Variants in UTP11 observed in about 807,000 individuals in gnomAD.
UTP11 encodes UTP11 small subunit processome component, also known as probable U3 small nucleolar RNA-associated protein 11.
In UTP11, 29 loss-of-function variants were observed where a neutral mutation model predicts 39.0. The observed-to-expected ratio is 0.74, with a 90% CI of 0.55 to 1.01. The LOEUF (loss-of-function observed/expected upper bound fraction) is 1.01. UTP11 is among the 50% of genes least tolerant of loss of function. The pLI, the probability that UTP11 is intolerant of heterozygous loss-of-function variation, is 0.00. For synonymous variants in UTP11, 111 were observed against 105.0 expected, an observed-to-expected ratio of 1.06 and a Z score of -0.35; for missense variants, 281 against 306.0, an observed-to-expected ratio of 0.92 and a Z score of 0.61.
In UTP11 at chr1:38,017,707, G is replaced by A; in HGVS notation, c.165G>A (p.Arg55=). The A allele has an allele frequency of 1.9e-6, 3 of 1,610,630 alleles. No individual in the cohort carries two copies. Among genetic ancestry groups the A allele is most frequent in the East Asian group, 4.5e-5 (2 of 44,514 alleles). Residue 55 remains arginine (R), a synonymous_variant, in exon 3 of 8, where the codon CGG becomes CGA. Coordinates refer to ENST00000373014, the MANE Select transcript of UTP11 (RefSeq NM_016037.4). ...RKKQEYLKAL[R]KKALEKNPDE... ...AACAAGAATACCTCAAAGCTCTTCG[G>A]AAGAAGGCTCTTGAAAAAAATCCAG... is the stretch of plus-strand genomic sequence containing the variant.
In UTP11 at chr1:38,019,377, A is replaced by G. The variant is rs779566305; in HGVS notation, c.561A>G (p.Gly187=). 1.7e-5 allele frequency: 28 copies of G among 1,611,850 alleles called. No individual in the cohort carries two copies. The highest frequency in any genetic ancestry group is 2.4e-5 in the Non-Finnish European group (28 of 1,178,830). The change falls in exon 6 of 8, where the codon GGA becomes GGG. Residue 187 remains glycine, a synonymous_variant. Coordinates refer to ENST00000373014, the MANE Select transcript of UTP11 (RefSeq NM_016037.4). ...EKVKGVTNQT[G]LKRIAKERQK... is the part of the protein sequence containing the mutation. ...TGAAAGGAGTTACCAATCAGACTGG[A>G]CTTAAGGTAATTTTCTCTGTTGTTC... is the stretch of plus-strand genomic sequence containing the variant.
At chr1:38,021,174 G>C (rs1321447656) in intron 6 of UTP11, among the ~76,000 whole-genome samples, 2 of 152,122 alleles carry the variant, frequency 1.3e-5, no homozygotes, top group South Asian at 2.1e-4. Context: ...ACCCACCTCA[G>C]CCTCCCAAAG....
intron 6 of UTP11, 91 bp downstream of exon 6, chr1:38,019,474 A>C: frequency 1.8e-6 from 2 of 1,134,668 alleles, no homozygotes; most frequent in African/African-American, 1.7e-5. Flanking sequence ...CATTTAAAAT[A>C]ATTTTTAAAA....
intron 2 of UTP11, 28 bp from the exon 3 acceptor site, chr1:38,017,639 CT>C: frequency 3.4e-6 from 3 of 894,708 alleles, no homozygotes; most frequent in Non-Finnish European, 4.3e-6. Flanking sequence ...TTTTTTTTTG[CT>C]ATGAACCTCA....
chr1:38,017,270 C>T (rs1270987420), intron 2 of UTP11: 1 of 154,812 alleles, frequency 6.5e-6, no homozygotes, highest in East Asian at 1.9e-4. Context: ...GTCCATGATT[C>T]TAGTCATTGC....
intron 2 of UTP11, 61 bp from the exon 3 acceptor site, chr1:38,017,607 G>GT: frequency 7.3e-7 from 1 of 1,370,950 alleles, no homozygotes; most frequent in Non-Finnish European, 9.8e-7. Context: ...TGGGTTTTTG[G>GT]TTTTTTAAAA....
rs367945919 is a variant in UTP11 at position 38,019,061 on chromosome 1, A to T, written c.345A>T (p.Lys115Asn). 1.1e-5 allele frequency: 17 copies of T among 1,613,318 alleles called. No homozygotes were observed. The highest frequency in any genetic ancestry group is 3.3e-5 in the Admixed American group (2 of 59,856). The stretch of plus-strand genomic sequence containing the variant: ...TGAGACCATATTCTGTGTTCTAGAA[A>T]ATCGAAAGACTAAAATCAGAGCTCC... ...IEMKRVAEAK[K>N]IERLKSELHL... Residue 115 changes from lysine (K) to asparagine (N), a missense_variant and splice_region_variant, in exon 5 of 8, where the codon AAA (lysine) becomes AAT (asparagine). Coordinates refer to ENST00000373014, the MANE Select transcript of UTP11 (RefSeq NM_016037.4).
At chr1:38,018,040 G>C (rs1338316960) in intron 3 of UTP11, among the ~76,000 whole-genome samples, 2 of 152,072 alleles carry the variant, frequency 1.3e-5, no homozygotes, top group Non-Finnish European at 2.9e-5. Context: ...CCTGTGTCTA[G>C]GATTGCTGTT....
chr1:38,015,601 C>G (rs1646703493), intron 1 of UTP11, among the ~76,000 whole-genome samples: 1 of 152,076 alleles, frequency 6.6e-6, no homozygotes, highest in Non-Finnish European at 1.5e-5. Context: ...ATTGCAAGAC[C>G]CTGACATATA....
At position 38,022,826 on chromosome 1, in the gene UTP11, T is replaced by G; in HGVS notation, c.678+17T>G. On this transcript the variant is annotated intron_variant, in intron 7 of 7. Coordinates refer to ENST00000373014, the MANE Select transcript of UTP11 (RefSeq NM_016037.4). ...GATCTTATGGTGAGGAGAGAGAGCC[T>G]TAGGCCTCTTTTTTTTTTTTTCCCC... 1.3e-6 allele frequency: 2 copies of G among 1,533,682 alleles called. No individual in the cohort carries two copies. The highest frequency in any genetic ancestry group is 1.8e-6 in the Non-Finnish European group (2 of 1,130,324).
rs1646751456 is a variant in UTP11, at chr1:38,023,881, A to G, written c.*253A>G. Reference sequence around the variant, plus strand: ...TCTTTGAGATAGGGTCTTTGTTGCCAGGCTGGAAGTGCAGTGTGTGATTAT... The same window carrying G: ...TCTTTGAGATAGGGTCTTTGTTGCCGGGCTGGAAGTGCAGTGTGTGATTAT... On this transcript the variant is annotated 3_prime_UTR_variant, in exon 8 of 8. Transcript: ENST00000373014. 1 of 279,216 alleles carries G rather than the reference A, an allele frequency of 3.6e-6. No homozygotes were observed. The allele number at this position is 279,216 out of a possible 1,614,324, so 17.3% of individuals were successfully genotyped here.
chr1:38,014,172 T>C (rs1256569144), intron 1 of UTP11, among the ~76,000 whole-genome samples: 3 of 152,234 alleles, frequency 2.0e-5, no homozygotes, highest in African/African-American at 4.8e-5. Context: ...GATTGAATAG[T>C]ATATCCAAAG....
chr1:38,022,675 A>C, intron 6 of UTP11, 24 bp from the exon 7 acceptor site: 1 of 1,533,292 alleles, frequency 6.5e-7, no homozygotes, highest in Non-Finnish European at 9.0e-7. Context: ...TTGTTCACTG[A>C]GAATGTGTGT....
intron 4 of UTP11, 68 bp from the exon 5 acceptor site, chr1:38,018,991 C>A: frequency 1.7e-6 from 2 of 1,154,540 alleles, no homozygotes; most frequent in Non-Finnish European, 1.2e-6. Context: ...TAAACTTTTG[C>A]AGTTTTTTTT....
chr1:38,021,084 G>A (rs998397734), intron 6 of UTP11, among the ~76,000 whole-genome samples: 2 of 152,120 alleles, frequency 1.3e-5, no homozygotes, highest in Non-Finnish European at 2.9e-5. Flanking sequence ...ACCACGCCTG[G>A]CTAATTTTTT....
chr1:38,020,586 G>A (rs1025674458), intron 6 of UTP11, among the ~76,000 whole-genome samples: 7 of 152,114 alleles, frequency 4.6e-5, no homozygotes, highest in African/African-American at 1.7e-4. Context: ...GCAGACAGCT[G>A]TTCTGTTTTG....
rs541208000 is a variant in UTP11, at chr1:38,023,525, A to C, written c.679-20A>C. On this transcript the variant is annotated intron_variant, in intron 7 of 7. Coordinates refer to ENST00000373014, the MANE Select transcript of UTP11 (RefSeq NM_016037.4). ...AACCATTTCCTTCTCTTTACTGATCACCTTTTTACTCTTTTGTAGGATAAA... is the reference window on the plus strand; with the variant it reads ...AACCATTTCCTTCTCTTTACTGATCCCCTTTTTACTCTTTTGTAGGATAAA... 2.5e-6 allele frequency: 4 copies of C among 1,598,426 alleles called. No homozygotes were observed. The African/African-American group carries it at 4.0e-5, about 16-fold the overall frequency.
In UTP11 at chr1:38,016,391, GA is replaced by G; in HGVS notation, c.101del (p.Lys34ArgfsTer37). On this transcript the variant is annotated frameshift_variant, in exon 2 of 8. Coordinates refer to ENST00000373014, the MANE Select transcript of UTP11 (RefSeq NM_016037.4). LOFTEE classifies it high-confidence loss of function. ...GFRKHLGLLE[K>X]KKDYKLRADD... is the part of the protein sequence containing the mutation. ...TTCGAAAACATCTGGGCCTGCTGGA[GA>G]AAAAGAAAGATTACAAACTTCGTGC... The G allele has an allele frequency of 6.2e-7, 1 of 1,614,184 alleles. No individual in the cohort carries two copies.
In UTP11 at chr1:38,019,288, G is replaced by A; in HGVS notation, c.472G>A (p.Ala158Thr). The stretch of plus-strand genomic sequence containing the variant: ...TGATGTCGCAACTCACCTGCAAACA[G>A]CCCCGGAGCTAGTCGACAGAGTCTT... ...QFDVATHLQT[A>T]PELVDRVFNR... Residue 158 changes from alanine to threonine, a missense_variant, in exon 6 of 8, where the codon GCC becomes ACC. Ala to Thr is a moderately conservative substitution (Grantham distance 58, BLOSUM62 0). Transcript: ENST00000373014. 1 of 1,614,140 alleles carries A rather than the reference G, an allele frequency of 6.2e-7. No individual in the cohort carries two copies. The highest frequency in any genetic ancestry group is 8.5e-7 in the Non-Finnish European group (1 of 1,180,022).
Sources: gnomAD v4.1 joint callset for allele counts (sites outside exome capture counted in the v4.1 genomes callset) on GRCh38, gnomAD v4.1.1 for gene constraint, MANE v1.5 for transcripts, NCBI Gene and HGNC (gene_info 2026-07-23, HGNC 2026-07-21) for gene names.